Variants in GALNT13 observed in about 807,000 individuals in gnomAD.
GALNT13 encodes the protein UDP-GalNAc:polypeptide N-acetylgalactosaminyltransferase 13.
A neutral mutation model predicts 64.2 loss-of-function variants in GALNT13; 28 were observed. The ratio of observed to expected loss-of-function variants is 0.44; its 90% CI spans 0.32 to 0.60. The LOEUF is 0.60. GALNT13 is among the 20% of genes least tolerant of loss of function. The pLI, the probability that GALNT13 is intolerant of heterozygous loss-of-function variation, is 0.05. For missense variants in GALNT13, 577 were observed against 669.8 expected, an observed-to-expected ratio of 0.86 and a Z score of 1.53; for synonymous variants, 214 against 224.6, an observed-to-expected ratio of 0.95 and a Z score of 0.42.
the GALNT13 span, among the ~76,000 whole-genome samples, chr2:153,358,236 T>C: frequency 6.6e-6 from 1 of 152,222 alleles, no homozygotes; most frequent in Non-Finnish European, 1.5e-5. Context: ...AATAACATAA[T>C]TAAAATATAA....
downstream of GALNT13, among the ~76,000 whole-genome samples, chr2:154,455,264 G>T (rs1433453999): frequency 6.6e-6 from 1 of 152,130 alleles, no homozygotes; most frequent in Non-Finnish European, 1.5e-5. Context: ...AAGAAATGAT[G>T]ATCGTATCTG....
chr2:154,370,727 CT>C (rs1391176323), intron 9 of GALNT13, among the ~76,000 whole-genome samples: 4 of 152,052 alleles, frequency 2.6e-5, no homozygotes, highest in African/African-American at 9.7e-5. Context: ...AATAGGCAGA[CT>C]TATAAATCTT....
At chr2:154,303,693 A>G (rs1682000902) in intron 9 of GALNT13, among the ~76,000 whole-genome samples, 1 of 152,176 alleles carries the variant, frequency 6.6e-6, no homozygotes, top group Admixed American at 6.5e-5. Flanking sequence ...TGTATGGTCA[A>G]TACGGCATGA....
chr2:153,644,859 T>C, the GALNT13 span, among the ~76,000 whole-genome samples: 2 of 152,166 alleles, frequency 1.3e-5, no homozygotes, highest in Non-Finnish European at 2.9e-5. Context: ...TTTGGCTTTT[T>C]ATATTGTTTC....
At chr2:154,335,323 T>G (rs1022647638) in intron 9 of GALNT13, among the ~76,000 whole-genome samples, 11 of 152,050 alleles carry the variant, frequency 7.2e-5, no homozygotes, top group Non-Finnish European at 1.6e-4. Context: ...AGCAGAACTA[T>G]CTAATTTTCT....
intron 4 of GALNT13, among the ~76,000 whole-genome samples, chr2:154,154,768 T>C (rs1008059739): frequency 4.6e-5 from 7 of 152,128 alleles, no homozygotes; most frequent in Admixed American, 6.5e-5. Context: ...TGTATGTGCA[T>C]TTATAGGAAA....
At chr2:153,472,246 GGTACAAAGCAAA>G in the GALNT13 span, among the ~76,000 whole-genome samples, 82,578 of 151,652 alleles carry the variant, frequency 0.54, 23,917 homozygotes, top group Non-Finnish European at 0.65. Context: ...AATTGGTGAG[GGTACAAAGCAAA>G]TATTTAAAAA....
At chr2:154,150,864 T>A (rs1683964201) in intron 4 of GALNT13, among the ~76,000 whole-genome samples, 1 of 152,172 alleles carries the variant, frequency 6.6e-6, no homozygotes, top group Non-Finnish European at 1.5e-5. Context: ...ATTTTGGTGA[T>A]CCTTTCAAAA....
chr2:153,987,485 T>A (rs1382115706), intron 3 of GALNT13, among the ~76,000 whole-genome samples: 1 of 151,932 alleles, frequency 6.6e-6, no homozygotes, highest in Non-Finnish European at 1.5e-5. Context: ...TATTGAATGA[T>A]CTCACGCTTC....
intron 10 of GALNT13, 84 bp from the exon 11 acceptor site, chr2:154,408,900 A>T: frequency 1.2e-6 from 1 of 802,616 alleles, no homozygotes; most frequent in Admixed American, 2.3e-5. Flanking sequence ...AGTTAACAAT[A>T]GATAGTAACA....
chr2:154,051,279 CTTTTT>C (rs34890901), intron 3 of GALNT13, among the ~76,000 whole-genome samples: 1 of 102,298 alleles, frequency 9.8e-6, no homozygotes, highest in African/African-American at 3.7e-5. Context: ...CTTACTCCTT[CTTTTT>C]TTTTTTTTTT....
chr2:153,660,140 A>G, the GALNT13 span, among the ~76,000 whole-genome samples: 1 of 152,152 alleles, frequency 6.6e-6, no homozygotes, highest in Non-Finnish European at 1.5e-5. Context: ...ACACAGCATA[A>G]CATAATAAAA....
chr2:153,354,489 A>G, the GALNT13 span, among the ~76,000 whole-genome samples: 1,443 of 152,350 alleles, frequency 9.5e-3, 24 homozygotes, highest in African/African-American at 0.032. Flanking sequence ...TGAAGGGAAG[A>G]AAATATGCAC....
chr2:153,552,575 CTTTTTTTT>C, the GALNT13 span, among the ~76,000 whole-genome samples: 9 of 69,326 alleles, frequency 1.3e-4, no homozygotes, highest in African/African-American at 3.1e-4. Context: ...GCTTCTTCTT[CTTTTTTTT>C]TTTTTTTTTT....
the GALNT13 span, among the ~76,000 whole-genome samples, chr2:153,716,523 A>G: frequency 6.6e-6 from 1 of 152,112 alleles, no homozygotes; most frequent in African/African-American, 2.4e-5. Flanking sequence ...GGCAGCTAGT[A>G]ATGACATTTC....
chr2:153,630,746 A>G, the GALNT13 span, among the ~76,000 whole-genome samples: 199 of 134,888 alleles, frequency 1.5e-3, 2 homozygotes, highest in African/African-American at 5.2e-3. Flanking sequence ...AAACCATAAA[A>G]AAAAATTTTA....
intron 3 of GALNT13, among the ~76,000 whole-genome samples, chr2:154,080,535 G>C (rs540234634): frequency 1.3e-5 from 2 of 151,622 alleles, no homozygotes; most frequent in South Asian, 4.2e-4. Context: ...TTCCATTAGA[G>C]ATCATTAAAA....
At chr2:153,489,646 G>T in the GALNT13 span, among the ~76,000 whole-genome samples, 2 of 151,992 alleles carry the variant, frequency 1.3e-5, no homozygotes, top group Non-Finnish European at 2.9e-5. Flanking sequence ...CCTATGTTTC[G>T]ATTAATACAA....
chr2:154,125,923 C>A (rs542535977), intron 3 of GALNT13, among the ~76,000 whole-genome samples: 1 of 152,284 alleles, frequency 6.6e-6, no homozygotes, highest in South Asian at 2.1e-4. Flanking sequence ...ACCTCAGATT[C>A]TTTCTTACAA....
Sources: allele counts gnomAD v4.1 joint callset (sites outside exome capture counted in the v4.1 genomes callset), GRCh38; gene constraint gnomAD v4.1.1; transcripts MANE v1.5; gene names NCBI Gene and HGNC (gene_info 2026-07-23, HGNC 2026-07-21).